Variants in SCOC observed in about 807,000 individuals in gnomAD.
SCOC encodes the protein short coiled-coil protein.
SCOC carries 7 observed loss-of-function variants against 9.9 expected under a neutral mutation model. The ratio of observed to expected loss-of-function variants is 0.71; its 90% CI spans 0.40 to 1.33. The LOEUF (loss-of-function observed/expected upper bound fraction) is 1.33. Ranked by LOEUF, SCOC falls within the 40% of genes most tolerant of loss-of-function variation. SCOC has a pLI of 0.01. For missense variants in SCOC, 66 were observed against 89.7 expected, an observed-to-expected ratio of 0.74 and a Z score of 1.07; for synonymous variants, 19 against 28.2, an observed-to-expected ratio of 0.67 and a Z score of 1.03.
chr4:140,326,961 C>T (rs1732668023), intron 1 of SCOC, among the ~76,000 whole-genome samples: 1 of 152,098 alleles, frequency 6.6e-6, no homozygotes, highest in Non-Finnish European at 1.5e-5. Flanking sequence ...AATGTTTCCA[C>T]CTTTATTCTC....
At chr4:140,258,590 A>G (rs985963357) in intron 1 of SCOC, among the ~76,000 whole-genome samples, 2 of 152,132 alleles carry the variant, frequency 1.3e-5, no homozygotes, top group Non-Finnish European at 1.5e-5. Context: ...CACCACTTAA[A>G]GTTCCTTATT....
At chr4:140,293,541 A>C (rs1177372238) in intron 1 of SCOC, 1 of 380,118 alleles carries the variant, frequency 2.6e-6, no homozygotes, top group African/African-American at 2.1e-5. Flanking sequence ...GAAGGATTGC[A>C]ATGGACCACA....
At chr4:140,365,674 T>C (rs1560723008) in intron 2 of SCOC, among the ~76,000 whole-genome samples, 1 of 152,174 alleles carries the variant, frequency 6.6e-6, no homozygotes, top group Non-Finnish European at 1.5e-5. Context: ...TCTTCCTCCT[T>C]CTCCTCAGCT....
intron 1 of SCOC, among the ~76,000 whole-genome samples, chr4:140,309,010 ACAT>A (rs1253447810): frequency 6.6e-6 from 1 of 152,152 alleles, no homozygotes; most frequent in Admixed American, 6.5e-5. Context: ...AGTAGAATAA[ACAT>A]CTGGGTGAAG....
chr4:140,373,441 G>T, upstream of SCOC: 1 of 1,524,180 alleles, frequency 6.6e-7, no homozygotes, highest in South Asian at 1.2e-5. Flanking sequence ...CGCCCACAGC[G>T]ACCTCAATCC....
chr4:140,368,144 A>G (rs1727883709), intron 2 of SCOC, among the ~76,000 whole-genome samples: 1 of 152,232 alleles, frequency 6.6e-6, no homozygotes, highest in Non-Finnish European at 1.5e-5. Context: ...TGAGCAAAGA[A>G]TGGAATGAAT....
At chr4:140,330,007 T>A (rs1732765523) in intron 1 of SCOC, among the ~76,000 whole-genome samples, 1 of 152,224 alleles carries the variant, frequency 6.6e-6, no homozygotes, top group Non-Finnish European at 1.5e-5. Context: ...TGCACACGCA[T>A]GTTTATAGCA....
intron 1 of SCOC, among the ~76,000 whole-genome samples, chr4:140,271,539 A>G (rs1730845766): frequency 6.6e-6 from 1 of 152,220 alleles, no homozygotes; most frequent in South Asian, 2.1e-4. Context: ...TAGTGCCATA[A>G]TCTAGGTGCC....
intron 1 of SCOC, among the ~76,000 whole-genome samples, chr4:140,258,961 T>C (rs903640202): frequency 1.3e-5 from 2 of 152,256 alleles, no homozygotes; most frequent in African/African-American, 2.4e-5. Context: ...TGCCAAGATA[T>C]GACTTACCGC....
chr4:140,366,650 T>C (rs1727811356), intron 2 of SCOC: 1 of 1,602,954 alleles, frequency 6.2e-7, no homozygotes, highest in Non-Finnish European at 8.5e-7. Flanking sequence ...CTGACATACT[T>C]CTGGTGGGCT....
chr4:140,315,520 C>T (rs1314918042), intron 1 of SCOC, among the ~76,000 whole-genome samples: 1 of 152,152 alleles, frequency 6.6e-6, no homozygotes, highest in Non-Finnish European at 1.5e-5. Context: ...TAAAAGCAAA[C>T]TCTGAAAAAC....
At chr4:140,335,435 A>G (rs1732930777) in intron 1 of SCOC, among the ~76,000 whole-genome samples, 2 of 152,266 alleles carry the variant, frequency 1.3e-5, no homozygotes, top group Non-Finnish European at 2.9e-5. Flanking sequence ...TTAGCTATAT[A>G]TAATGAAAAT....
At chr4:140,276,758 C>T (rs1730993459) in intron 1 of SCOC, among the ~76,000 whole-genome samples, 1 of 151,724 alleles carries the variant, frequency 6.6e-6, no homozygotes, top group African/African-American at 2.4e-5. Flanking sequence ...CGGCCAGCCA[C>T]TCTCCCAGTT....
Position 140,289,227 on chromosome 4 carries a change from C to T in SCOC, c.-19+31817C>T, listed in dbSNP as rs1464751179. 2.0e-5 allele frequency among the ~76,000 whole-genome samples: 3 copies of T among 152,212 alleles called. No homozygotes were observed. In the East Asian group the frequency reaches 5.8e-4, roughly 29 times the overall value. Reference sequence around the variant, plus strand: ...TAGAGAGTGATATTAAGGAGGGTCACTCCTGCTTGTACTTTTCCCACTGGG... The same window carrying T: ...TAGAGAGTGATATTAAGGAGGGTCATTCCTGCTTGTACTTTTCCCACTGGG... On this transcript the variant is annotated intron_variant, in intron 1 of 4. Transcript: ENST00000394205.
chr4:140,373,679 C>G lies in SCOC; in HGVS notation c.-89C>G. ...GTCCAAGTGTCCCGGCCTGAGGTGT[C>G]GGCCGGATCCCTCCTTCTCCCGGCG... is the stretch of plus-strand genomic sequence containing the variant. On this transcript the variant is annotated 5_prime_UTR_variant, in exon 1 of 4. Transcript: ENST00000608372. 1 of 1,550,770 alleles carries G rather than the reference C, an allele frequency of 6.4e-7. No individual in the cohort carries two copies. The highest frequency in any genetic ancestry group is 2.0e-5 in the Admixed American group (1 of 51,006).
At chr4:140,290,673 C>G (rs1471426461) in intron 1 of SCOC, among the ~76,000 whole-genome samples, 1 of 152,128 alleles carries the variant, frequency 6.6e-6, no homozygotes, top group Non-Finnish European at 1.5e-5. Context: ...ATTAGCCAGG[C>G]ATGGTGGCGT....
intron 2 of SCOC, among the ~76,000 whole-genome samples, chr4:140,361,398 T>C (rs1727462023): frequency 6.6e-6 from 1 of 152,182 alleles, no homozygotes; most frequent in African/African-American, 2.4e-5. Flanking sequence ...GCGCAGTGGC[T>C]CACACTTGTG....
upstream of SCOC, chr4:140,373,366 G>A (rs1195535645): frequency 4.9e-6 from 7 of 1,441,608 alleles, no homozygotes; most frequent in South Asian, 3.0e-5. Context: ...GACCTGATGA[G>A]CCGCTTCACC....
intron 1 of SCOC, among the ~76,000 whole-genome samples, chr4:140,261,881 A>C (rs1358851695): frequency 2.0e-5 from 3 of 152,124 alleles, no homozygotes; most frequent in African/African-American, 7.2e-5. Flanking sequence ...GCTTGGAAGG[A>C]GGGAAAGGCA....
Sources: allele counts gnomAD v4.1 joint callset (sites outside exome capture counted in the v4.1 genomes callset), GRCh38; gene constraint gnomAD v4.1.1; transcripts MANE v1.5; gene names NCBI Gene and HGNC (gene_info 2026-07-23, HGNC 2026-07-21).